Variants in RBFOX1 observed in about 807,000 individuals in gnomAD.
RBFOX1 encodes the protein RNA binding protein fox-1 homolog 1.
Under a neutral mutation model 57.7 loss-of-function variants are expected in RBFOX1, and 8 were observed. That is an observed-to-expected ratio of 0.14 (90% CI 0.08 to 0.25). The LOEUF (loss-of-function observed/expected upper bound fraction) is 0.25. Among genes scored for constraint, RBFOX1 ranks in the 10% least tolerant of loss-of-function variants. The pLI, the probability that RBFOX1 is intolerant of heterozygous loss-of-function variation, is 1.00. For synonymous variants in RBFOX1, 326 were observed against 222.4 expected (o/e 1.47, Z -4.15); for missense variants, 611 against 548.5 (o/e 1.11, Z -1.14).
intron 3 of RBFOX1, among the ~76,000 whole-genome samples, chr16:6,739,762 G>A (rs1349987105): frequency 3.3e-5 from 5 of 151,866 alleles, no homozygotes; most frequent in South Asian, 2.1e-4. Context: ...CTGTAGTCTC[G>A]GCTCCTCGGG....
intron 3 of RBFOX1, among the ~76,000 whole-genome samples, chr16:7,006,375 G>A (rs569669762): frequency 6.6e-5 from 10 of 152,150 alleles, no homozygotes; most frequent in Non-Finnish European, 1.5e-4. Context: ...GGATGGTCTC[G>A]ATTTTCTGAC....
chr16:7,287,980 C>T (rs1413858710), intron 4 of RBFOX1, among the ~76,000 whole-genome samples: 4 of 152,016 alleles, frequency 2.6e-5, no homozygotes, highest in East Asian at 1.9e-4. Context: ...GGCTGTTGAA[C>T]GAAAAATCCA....
rs762229389 is a variant in RBFOX1 at position 7,578,313 on chromosome 16, A to G, written c.271-1464A>G. ...TCAATCCAACAGTATAGGCAAAATG[A>G]CTAAATACATTGTCTAAATACATGA... On this transcript the variant is annotated intron_variant, in intron 5 of 15. Transcript: ENST00000550418. Among the ~76,000 whole-genome samples the G allele has an allele frequency of 6.2e-4, 95 of 152,326 alleles. No homozygotes were observed. The Middle Eastern group carries it at 0.01, about 16-fold the overall frequency.
At chr16:7,338,697 T>G (rs1212918721) in intron 4 of RBFOX1, among the ~76,000 whole-genome samples, 1 of 152,206 alleles carries the variant, frequency 6.6e-6, no homozygotes. Context: ...TACCTATATG[T>G]AGTAACAATG....
chr16:5,747,569 G>A (rs1225660409), intron 3 of RBFOX1, among the ~76,000 whole-genome samples: 3 of 152,230 alleles, frequency 2.0e-5, no homozygotes, highest in East Asian at 1.9e-4. Context: ...CCTGTGATTC[G>A]TCTGTTCAGG....
At chr16:5,373,999 C>A (rs750115503) in intron 1 of RBFOX1, among the ~76,000 whole-genome samples, 22 of 152,230 alleles carry the variant, frequency 1.4e-4, no homozygotes, top group Non-Finnish European at 2.9e-4. Context: ...CTCACTGCAA[C>A]CTCCAGCTTC....
chr16:7,302,597 G>T (rs1170801436), intron 4 of RBFOX1, among the ~76,000 whole-genome samples: 1 of 151,000 alleles, frequency 6.6e-6, no homozygotes, highest in East Asian at 1.9e-4. Flanking sequence ...AATCAAAAAA[G>T]CTGCTGTTTA....
chr16:5,702,871 C>T (rs1263395290), intron 3 of RBFOX1, among the ~76,000 whole-genome samples: 1 of 152,150 alleles, frequency 6.6e-6, no homozygotes, highest in East Asian at 1.9e-4. Context: ...TATGAAAGGT[C>T]TTCTTGGTTG....
chr16:7,470,746 G>C (rs1567344453), intron 4 of RBFOX1, among the ~76,000 whole-genome samples: 2 of 152,090 alleles, frequency 1.3e-5, no homozygotes, highest in African/African-American at 2.4e-5. Context: ...AGCCCAAGCA[G>C]ATTCCTCAAG....
At chr16:5,748,525 C>T (rs1015789433) in intron 3 of RBFOX1, among the ~76,000 whole-genome samples, 1 of 152,084 alleles carries the variant, frequency 6.6e-6, no homozygotes, top group African/African-American at 2.4e-5. Context: ...CTTTGTAGGT[C>T]TCTAAGGACT....
chr16:6,012,459 T>C (rs1439765479), intron 4 of RBFOX1, among the ~76,000 whole-genome samples: 2 of 152,172 alleles, frequency 1.3e-5, no homozygotes, highest in Non-Finnish European at 2.9e-5. Context: ...CTGTACACAT[T>C]TGGGAGGAGT....
chr16:6,941,655 C>T (rs1281432110), intron 3 of RBFOX1, among the ~76,000 whole-genome samples: 1 of 151,840 alleles, frequency 6.6e-6, no homozygotes, highest in Non-Finnish European at 1.5e-5. Flanking sequence ...ATGGGTTTAT[C>T]TATAAAGCAG....
intron 2 of RBFOX1, among the ~76,000 whole-genome samples, chr16:6,472,135 C>G (rs778343692): frequency 5.9e-5 from 9 of 152,206 alleles, no homozygotes; most frequent in Admixed American, 2.6e-4. Flanking sequence ...TTGAGCTTAA[C>G]CATTCCATCC....
chr16:6,724,005 G>C (rs1176058175), intron 3 of RBFOX1: 2 of 152,034 alleles, frequency 1.3e-5, no homozygotes, highest in Non-Finnish European at 2.9e-5. Context: ...GGGAGAAGTG[G>C]ATATTTGCCT....
chr16:6,959,781 A>G (rs1463280227), intron 3 of RBFOX1, among the ~76,000 whole-genome samples: 2 of 152,150 alleles, frequency 1.3e-5, no homozygotes, highest in African/African-American at 2.4e-5. Context: ...TACCAAAAGT[A>G]CAAAAATTAG....
chr16:7,166,972 C>CTTTTTTTTTTTTTTTTTT lies in RBFOX1; in HGVS notation c.27+114892_27+114909dup, dbSNP rs537293692. Among the ~76,000 whole-genome samples the CTTTTTTTTTTTTTTTTTT allele has an allele frequency of 4.3e-4, 21 of 49,110 alleles. 2 individuals carry two copies. Among genetic ancestry groups the CTTTTTTTTTTTTTTTTTT allele is most frequent in the Non-Finnish European group, 5.4e-4 (16 of 29,604 alleles). The allele number at this position is 49,110 out of a possible 152,430, so 32.2% of individuals were successfully genotyped here. A position where few individuals can be genotyped will look rare whatever the true frequency, so the allele number is the denominator to read the frequency against. Reference sequence around the variant, plus strand: ...AGCCCCAGATTGCTGCATTGGTGTTCTTTTTTTTTTTTTTTTTTTTTTTTT... The same window carrying CTTTTTTTTTTTTTTTTTT: ...AGCCCCAGATTGCTGCATTGGTGTTCTTTTTTTTTTTTTTTTTTTTTTTTTTTTTTTTTTTTTTTTTTT... On this transcript the variant is annotated intron_variant, in intron 4 of 15. Transcript: ENST00000550418.
chr16:5,738,262 A>T, intron 3 of RBFOX1, among the ~76,000 whole-genome samples: 1 of 151,236 alleles, frequency 6.6e-6, no homozygotes, highest in Middle Eastern at 3.4e-3. Context: ...TGTTTAGGGT[A>T]TCCATCACCC....
intron 3 of RBFOX1, among the ~76,000 whole-genome samples, chr16:5,748,845 T>A (rs2053084121): frequency 6.6e-6 from 1 of 152,234 alleles, no homozygotes; most frequent in South Asian, 2.1e-4. Context: ...CTGTGTCTTT[T>A]AATTGGAGCA....
chr16:7,344,648 C>G (rs149916173), intron 4 of RBFOX1, among the ~76,000 whole-genome samples: 2 of 151,696 alleles, frequency 1.3e-5, no homozygotes, highest in African/African-American at 4.8e-5. Flanking sequence ...GGATTTTTTC[C>G]TAAATAATTT....
Sources: allele counts gnomAD v4.1 joint callset (sites outside exome capture counted in the v4.1 genomes callset), GRCh38; gene constraint gnomAD v4.1.1; transcripts MANE v1.5; gene names NCBI Gene and HGNC (gene_info 2026-07-23, HGNC 2026-07-21).